Variants in SNTG2 observed in about 807,000 individuals in gnomAD.
SNTG2 encodes syntrophin gamma 2.
SNTG2 carries 74 observed loss-of-function variants against 70.9 expected under a neutral mutation model. The ratio of observed to expected loss-of-function variants is 1.04; its 90% CI spans 0.86 to 1.27. The LOEUF (loss-of-function observed/expected upper bound fraction) is 1.27. Ranked by LOEUF, SNTG2 falls within the 50% of genes most tolerant of loss-of-function variation. The probability of loss-of-function intolerance (pLI) is 0.00; values close to 1 mark genes in which losing one functional copy is unlikely to be tolerated. For synonymous variants in SNTG2, 278 were observed against 273.8 expected, an observed-to-expected ratio of 1.02 and a Z score of -0.15; for missense variants, 717 against 690.7, an observed-to-expected ratio of 1.04 and a Z score of -0.43.
chr2:1,242,322 G>A (rs759215155), intron 11 of SNTG2, among the ~76,000 whole-genome samples: 4 of 152,038 alleles, frequency 2.6e-5, no homozygotes, highest in Non-Finnish European at 4.4e-5. Flanking sequence ...TGAAAAATGC[G>A]AATTTTATGT....
chr2:956,272 G>A (rs1467345704), intron 1 of SNTG2, among the ~76,000 whole-genome samples: 2 of 124,326 alleles, frequency 1.6e-5, no homozygotes, highest in African/African-American at 3.2e-5. Flanking sequence ...CCCCTGCCCT[G>A]CCCCTGCACC....
At chr2:1,033,003 TGA>T (rs1013041400) in intron 1 of SNTG2, among the ~76,000 whole-genome samples, 9 of 152,034 alleles carry the variant, frequency 5.9e-5, no homozygotes, top group African/African-American at 1.9e-4. Context: ...GGAATGGAAG[TGA>T]GAGAGGGGAG....
intron 4 of SNTG2, among the ~76,000 whole-genome samples, chr2:1,105,882 C>T (rs1429381044): frequency 1.3e-5 from 2 of 152,228 alleles, no homozygotes; most frequent in South Asian, 2.1e-4. Context: ...GAAGATCAGC[C>T]TCCCCCGCGT....
chr2:1,296,893 T>A (rs1233687604), intron 14 of SNTG2, among the ~76,000 whole-genome samples: 1 of 152,228 alleles, frequency 6.6e-6, no homozygotes, highest in Non-Finnish European at 1.5e-5. Flanking sequence ...GCAATGCCCA[T>A]TTTTTGCCCT....
At chr2:1,200,998 GA>G (rs1673243263) in intron 8 of SNTG2, among the ~76,000 whole-genome samples, 1 of 151,914 alleles carries the variant, frequency 6.6e-6, no homozygotes, top group Non-Finnish European at 1.5e-5. Flanking sequence ...AAGCTCTTCA[GA>G]AAACTAAAAA....
chr2:961,329 T>G (rs1660342250), intron 1 of SNTG2, among the ~76,000 whole-genome samples: 1 of 152,128 alleles, frequency 6.6e-6, no homozygotes, highest in Admixed American at 6.5e-5. Context: ...CTTTTTAATA[T>G]ATTTTTAGTA....
intron 1 of SNTG2, among the ~76,000 whole-genome samples, chr2:1,018,974 T>C (rs1321133865): frequency 6.6e-6 from 1 of 152,138 alleles, no homozygotes; most frequent in Non-Finnish European, 1.5e-5. Context: ...GGTTTCCCAC[T>C]TGATGAGAAT....
intron 9 of SNTG2, among the ~76,000 whole-genome samples, chr2:1,233,424 C>T (rs894132050): frequency 2.0e-5 from 3 of 152,104 alleles, no homozygotes; most frequent in Non-Finnish European, 4.4e-5. Flanking sequence ...GCGGTGTGGG[C>T]GGGATTCGGA....
Position 1,367,423 on chromosome 2 carries a change from C to T in SNTG2, c.1569C>T (p.Pro523=), listed in dbSNP as rs745600678. 10 of 1,551,562 alleles carry T rather than the reference C, an allele frequency of 6.4e-6. No individual in the cohort carries two copies. Among genetic ancestry groups the T allele is most frequent in the East Asian group, 2.4e-5 (1 of 40,928 alleles). The change falls in exon 17 of 17, where the codon CCC becomes CCT. Residue 523 remains proline, a synonymous_variant. Transcript: ENST00000308624. The stretch of plus-strand genomic sequence containing the variant: ...CAGCCAAGGTGGCCTCCGTGGACCC[C>T]GGCTTCATGGACAGTCAGAGTCTTG... ...FIAAKVASVD[P]GFMDSQSLAR...
intron 1 of SNTG2, among the ~76,000 whole-genome samples, chr2:959,114 T>A (rs1054571901): frequency 6.6e-6 from 1 of 152,202 alleles, no homozygotes; most frequent in African/African-American, 2.4e-5. Flanking sequence ...ATTTAAAAAA[T>A]TCATTTCTAT....
chr2:1,296,576 C>T (rs1680227569), intron 14 of SNTG2, among the ~76,000 whole-genome samples: 1 of 152,254 alleles, frequency 6.6e-6, no homozygotes, highest in Non-Finnish European at 1.5e-5. Flanking sequence ...GACCTAGGCT[C>T]CTGGCCCACA....
chr2:1,298,022 G>C (rs1242400247), intron 14 of SNTG2, among the ~76,000 whole-genome samples: 1 of 152,252 alleles, frequency 6.6e-6, no homozygotes, highest in Non-Finnish European at 1.5e-5. Flanking sequence ...TGCAAGGGGT[G>C]ACGGACAGAA....
At chr2:1,310,477 A>G (rs528843106) in intron 15 of SNTG2, among the ~76,000 whole-genome samples, 51 of 152,198 alleles carry the variant, frequency 3.4e-4, no homozygotes, top group African/African-American at 1.0e-3. Context: ...AAGAACATCC[A>G]TCACCACATT....
intron 1 of SNTG2, among the ~76,000 whole-genome samples, chr2:994,183 G>A (rs1572201941): frequency 6.6e-6 from 1 of 152,012 alleles, no homozygotes; most frequent in African/African-American, 2.4e-5. Context: ...GTGATTGTGT[G>A]AAGAACAAAT....
chr2:999,831 T>C (rs1157133844), intron 1 of SNTG2, among the ~76,000 whole-genome samples: 1 of 151,946 alleles, frequency 6.6e-6, no homozygotes, highest in African/African-American at 2.4e-5. Flanking sequence ...TATACTCTTC[T>C]CTTCAGTGCA....
intron 8 of SNTG2, among the ~76,000 whole-genome samples, chr2:1,177,431 C>T (rs768065840): frequency 5.3e-5 from 8 of 151,204 alleles, no homozygotes; most frequent in Admixed American, 2.0e-4. Context: ...CCATGGCACA[C>T]GTTTACCAAT....
intron 4 of SNTG2, among the ~76,000 whole-genome samples, chr2:1,098,692 T>C (rs1665559628): frequency 6.6e-6 from 1 of 152,202 alleles, no homozygotes; most frequent in Admixed American, 6.5e-5. Context: ...TTCAGGGGTT[T>C]GAATGCTGAT....
At chr2:1,047,966 G>A (rs1661831196) in intron 1 of SNTG2, among the ~76,000 whole-genome samples, 2 of 151,908 alleles carry the variant, frequency 1.3e-5, no homozygotes, top group African/African-American at 4.8e-5. Context: ...AACAGATATA[G>A]GAAATTCCTA....
chr2:1,169,425 A>G (rs1670975036), intron 7 of SNTG2, among the ~76,000 whole-genome samples: 1 of 152,118 alleles, frequency 6.6e-6, no homozygotes, highest in South Asian at 2.1e-4. Context: ...CCTTTGAAGG[A>G]GCAGAATTTA....
Sources: allele counts gnomAD v4.1 joint callset (sites outside exome capture counted in the v4.1 genomes callset), GRCh38; gene constraint gnomAD v4.1.1; transcripts MANE v1.5; gene names NCBI Gene and HGNC (gene_info 2026-07-23, HGNC 2026-07-21).